Variants in ADARB2 observed in about 807,000 individuals in gnomAD.
ADARB2 encodes the protein adenosine deaminase RNA specific B2 (inactive), also known as inactive double-stranded RNA-specific editase B2.
ADARB2 carries 25 observed loss-of-function variants against 62.2 expected under a neutral mutation model. The ratio of observed to expected loss-of-function variants is 0.40; its 90% CI spans 0.29 to 0.56. The LOEUF is 0.56. Ranked by LOEUF, ADARB2 falls within the 20% of genes least tolerant of loss-of-function variation. The pLI is 0.43. For missense variants in ADARB2, 1,071 were observed against 1,077.4 expected, an observed-to-expected ratio of 0.99 and a Z score of 0.08; for synonymous variants, 572 against 500.8, an observed-to-expected ratio of 1.14 and a Z score of -1.90.
intron 1 of ADARB2, among the ~76,000 whole-genome samples, chr10:1,672,570 TGCACGCGCTTC>T (rs1296120225): frequency 6.8e-6 from 1 of 147,610 alleles, no homozygotes; most frequent in African/African-American, 2.5e-5. Flanking sequence ...CCTCCCCCCA[TGCACGCGCTTC>T]GCCTTCCTCC....
At chr10:1,717,502 T>C (rs74706128) in intron 1 of ADARB2, among the ~76,000 whole-genome samples, 19,533 of 151,320 alleles carry the variant, frequency 0.13, 1,594 homozygotes, top group Non-Finnish European at 0.18. Context: ...TCCTTTCCTT[T>C]CTTTCTTTCT....
chr10:1,328,609 A>ATGC (rs1831898926), intron 3 of ADARB2, among the ~76,000 whole-genome samples: 1 of 152,054 alleles, frequency 6.6e-6, no homozygotes, highest in Non-Finnish European at 1.5e-5. Flanking sequence ...GGGAGTGTTT[A>ATGC]CAGAACAGAG....
At chr10:1,192,616 A>G (rs931808873) in intron 8 of ADARB2, among the ~76,000 whole-genome samples, 1 of 152,226 alleles carries the variant, frequency 6.6e-6, no homozygotes, top group African/African-American at 2.4e-5. Flanking sequence ...TTAACTGAGG[A>G]TGGACAGCTG....
intron 1 of ADARB2, among the ~76,000 whole-genome samples, chr10:1,581,407 G>A (rs2676724): frequency 0.011 from 1,611 of 152,308 alleles, 22 homozygotes; most frequent in African/African-American, 0.036. Context: ...GAGCTCAGGC[G>A]GCCACGTGGC....
chr10:1,430,714 T>G (rs1422016737), intron 1 of ADARB2, among the ~76,000 whole-genome samples: 4 of 151,376 alleles, frequency 2.6e-5, no homozygotes, highest in Non-Finnish European at 5.9e-5. Flanking sequence ...CACTCCAACC[T>G]GGGTGACAGA....
chr10:1,425,951 G>A (rs2131887377), intron 1 of ADARB2, among the ~76,000 whole-genome samples: 1 of 152,320 alleles, frequency 6.6e-6, no homozygotes, highest in Admixed American at 6.5e-5. Context: ...ACCCGACGTG[G>A]AGCTGAGCGG....
intron 3 of ADARB2, chr10:1,291,144 T>G (rs1200447893): frequency 6.6e-6 from 1 of 152,242 alleles, no homozygotes; most frequent in Non-Finnish European, 1.5e-5. Flanking sequence ...CAGCTTCTGT[T>G]AAATTCAAGA....
chr10:1,478,773 A>G (rs1192573222), intron 1 of ADARB2, among the ~76,000 whole-genome samples: 1 of 151,730 alleles, frequency 6.6e-6, no homozygotes, highest in Non-Finnish European at 1.5e-5. Context: ...GGAGAGCGCC[A>G]AAATAAGGAC....
intron 2 of ADARB2, among the ~76,000 whole-genome samples, chr10:1,375,881 ACTC>A (rs1832421399): frequency 6.7e-6 from 1 of 149,602 alleles, no homozygotes; most frequent in Non-Finnish European, 1.5e-5. Context: ...ATGCATGTGA[ACTC>A]CCACACCACA....
chr10:1,587,737 G>A (rs1316319948), intron 1 of ADARB2, among the ~76,000 whole-genome samples: 1 of 152,152 alleles, frequency 6.6e-6, no homozygotes, highest in Non-Finnish European at 1.5e-5. Context: ...TTGAATTGTA[G>A]CTCCCATAAT....
intron 1 of ADARB2, among the ~76,000 whole-genome samples, chr10:1,565,013 C>A (rs1351222608): frequency 2.6e-5 from 4 of 152,232 alleles, no homozygotes; most frequent in Non-Finnish European, 4.4e-5. Flanking sequence ...GGCCGACGTG[C>A]AGCAGCACCG....
intron 1 of ADARB2, among the ~76,000 whole-genome samples, chr10:1,388,863 T>A (rs1832545834): frequency 6.6e-6 from 1 of 152,144 alleles, no homozygotes; most frequent in Non-Finnish European, 1.5e-5. Flanking sequence ...AATTTTGAAG[T>A]TTATATGGAA....
At chr10:1,621,501 G>C (rs538876427) in intron 1 of ADARB2, among the ~76,000 whole-genome samples, 1 of 151,046 alleles carries the variant, frequency 6.6e-6, no homozygotes, top group African/African-American at 2.4e-5. Context: ...CTGCAGCCTC[G>C]GCCTCCCAGG....
chr10:1,716,813 A>G (rs988934883), intron 1 of ADARB2, among the ~76,000 whole-genome samples: 1 of 152,184 alleles, frequency 6.6e-6, no homozygotes, highest in African/African-American at 2.4e-5. Flanking sequence ...TATATCCCTT[A>G]TGACTATCAA....
At chr10:1,660,841 A>G (rs1834237144) in intron 1 of ADARB2, among the ~76,000 whole-genome samples, 1 of 152,170 alleles carries the variant, frequency 6.6e-6, no homozygotes, top group African/African-American at 2.4e-5. Context: ...GAGCATCACC[A>G]TCTTGGACAA....
chr10:1,435,610 G>A (rs959972822), intron 1 of ADARB2, among the ~76,000 whole-genome samples: 1 of 152,176 alleles, frequency 6.6e-6, no homozygotes, highest in Non-Finnish European at 1.5e-5. Context: ...GCCCTGCCAG[G>A]CCCCTCTCTC....
chr10:1,247,989 A>T (rs1040376306), intron 4 of ADARB2, among the ~76,000 whole-genome samples: 1 of 152,234 alleles, frequency 6.6e-6, no homozygotes, highest in African/African-American at 2.4e-5. Context: ...ATGGACACCA[A>T]AAATGCTCTG....
intron 1 of ADARB2, among the ~76,000 whole-genome samples, chr10:1,575,679 G>C (rs1833001095): frequency 6.6e-6 from 1 of 152,198 alleles, no homozygotes; most frequent in African/African-American, 2.4e-5. Flanking sequence ...GCCCTGGGGT[G>C]GAGGAGGGTG....
chr10:1,358,935 T>C (rs1057302135), intron 3 of ADARB2, among the ~76,000 whole-genome samples: 12 of 152,276 alleles, frequency 7.9e-5, no homozygotes, highest in African/African-American at 2.9e-4. Context: ...TTTACTTTAT[T>C]CTCCTTTCTA....
Sources: allele counts gnomAD v4.1 joint callset (sites outside exome capture counted in the v4.1 genomes callset), GRCh38; gene constraint gnomAD v4.1.1; transcripts MANE v1.5; gene names NCBI Gene and HGNC (gene_info 2026-07-23, HGNC 2026-07-21).